The following RPS6KC1 variants were observed in gnomAD, a reference collection of about 807,000 sequenced individuals.
RPS6KC1 encodes inactive ribosomal protein S6 kinase delta-1.
Under a neutral mutation model 103.8 loss-of-function variants are expected in RPS6KC1, and 54 were observed. The observed-to-expected ratio is 0.52, with a 90% CI of 0.42 to 0.65. RPS6KC1 has a LOEUF of 0.65. Among genes scored for constraint, RPS6KC1 ranks in the 30% least tolerant of loss-of-function variants. RPS6KC1 has a pLI of 0.00. For missense variants in RPS6KC1, 1,151 were observed against 1,253.8 expected, an observed-to-expected ratio of 0.92 and a Z score of 1.24; for synonymous variants, 439 against 438.7, an observed-to-expected ratio of 1.00 and a Z score of -0.01.
the RPS6KC1 span, among the ~76,000 whole-genome samples, chr1:213,678,637 T>G: frequency 0.99 from 150,843 of 152,276 alleles, 74,719 homozygotes; most frequent in Middle Eastern, 1. Context: ...CCAGACATAC[T>G]GAGTCAGGGT....
At chr1:213,606,228 A>C in the RPS6KC1 span, among the ~76,000 whole-genome samples, 1 of 152,260 alleles carries the variant, frequency 6.6e-6, no homozygotes, top group Non-Finnish European at 1.5e-5. Context: ...GTGGGTGAAA[A>C]AGAGAGGAAA....
chr1:213,511,525 C>T, the RPS6KC1 span, among the ~76,000 whole-genome samples: 1 of 152,146 alleles, frequency 6.6e-6, no homozygotes, highest in Non-Finnish European at 1.5e-5. Flanking sequence ...GATGGGATTC[C>T]TTCACCCCTC....
At chr1:213,175,773 C>A (rs369051514) in intron 7 of RPS6KC1, among the ~76,000 whole-genome samples, 1 of 152,222 alleles carries the variant, frequency 6.6e-6, no homozygotes, top group South Asian at 2.1e-4. Flanking sequence ...TCTTACAAAT[C>A]ATCTCTTAAA....
the RPS6KC1 span, among the ~76,000 whole-genome samples, chr1:213,614,103 G>C: frequency 6.6e-6 from 1 of 152,236 alleles, no homozygotes. Context: ...GCCATTGACT[G>C]AGTACAGCTG....
chr1:213,097,480 G>A (rs964238612), intron 3 of RPS6KC1, among the ~76,000 whole-genome samples: 1 of 152,176 alleles, frequency 6.6e-6, no homozygotes, highest in African/African-American at 2.4e-5. Flanking sequence ...TGGAACACAG[G>A]CAGAGTAGAT....
intron 5 of RPS6KC1, among the ~76,000 whole-genome samples, chr1:213,127,126 T>C (rs2085074173): frequency 6.6e-6 from 1 of 152,194 alleles, no homozygotes; most frequent in African/African-American, 2.4e-5. Context: ...CTCTCAAATG[T>C]AATCTTCAGA....
the RPS6KC1 span, among the ~76,000 whole-genome samples, chr1:213,534,209 G>T: frequency 6.6e-6 from 1 of 152,182 alleles, no homozygotes; most frequent in Admixed American, 6.5e-5. Flanking sequence ...GACAGCGAAT[G>T]GGAAAGGAGT....
At chr1:213,323,146 C>T in the RPS6KC1 span, among the ~76,000 whole-genome samples, 1 of 151,892 alleles carries the variant, frequency 6.6e-6, no homozygotes, top group Non-Finnish European at 1.5e-5. Flanking sequence ...CATTCCATTG[C>T]CTTCTCTGAC....
the RPS6KC1 span, among the ~76,000 whole-genome samples, chr1:213,797,935 C>T: frequency 6.6e-6 from 1 of 152,186 alleles, no homozygotes; most frequent in African/African-American, 2.4e-5. Context: ...ATACTCATTT[C>T]CTATTAGGCA....
At chr1:213,584,683 G>T in the RPS6KC1 span, among the ~76,000 whole-genome samples, 1 of 152,220 alleles carries the variant, frequency 6.6e-6, no homozygotes, top group African/African-American at 2.4e-5. Context: ...AGGAATTGCA[G>T]GGAAACTGTT....
At chr1:213,659,258 C>T in the RPS6KC1 span, among the ~76,000 whole-genome samples, 1 of 152,142 alleles carries the variant, frequency 6.6e-6, no homozygotes, top group Non-Finnish European at 1.5e-5. Context: ...AGCCACCACA[C>T]CTGGCCTCAG....
chr1:213,836,019 A>T, the RPS6KC1 span: 1 of 151,676 alleles, frequency 6.6e-6, no homozygotes, highest in Admixed American at 6.6e-5. Flanking sequence ...ATTTGGGGAG[A>T]ATTGACATCT....
chr1:213,350,106 T>C, the RPS6KC1 span, among the ~76,000 whole-genome samples: 5 of 152,142 alleles, frequency 3.3e-5, no homozygotes, highest in African/African-American at 1.2e-4. Context: ...GTTACTTCAT[T>C]CTACCTGGCT....
the RPS6KC1 span, among the ~76,000 whole-genome samples, chr1:213,588,482 G>A: frequency 2.0e-5 from 3 of 151,858 alleles, no homozygotes; most frequent in Non-Finnish European, 4.4e-5. Context: ...TGTATTTTTA[G>A]TCGAGACGGG....
At chr1:213,250,730 C>T (rs142327592) in intron 12 of RPS6KC1, among the ~76,000 whole-genome samples, 140 of 152,144 alleles carry the variant, frequency 9.2e-4, no homozygotes, top group African/African-American at 3.1e-3. Flanking sequence ...AGGAGCATTC[C>T]GAACCTGGAA....
chr1:213,182,905 T>C (rs868307307), intron 8 of RPS6KC1, among the ~76,000 whole-genome samples: 47 of 147,638 alleles, frequency 3.2e-4, no homozygotes, highest in Admixed American at 1.5e-3. Flanking sequence ...GTATATATCA[T>C]ATATATATCA....
the RPS6KC1 span, among the ~76,000 whole-genome samples, chr1:213,716,826 TA>T: frequency 6.6e-6 from 1 of 152,216 alleles, no homozygotes; most frequent in African/African-American, 2.4e-5. Context: ...AACAGATGCT[TA>T]TTAAACGTCT....
At chr1:213,188,294 A>C (rs1464431597) in intron 8 of RPS6KC1, among the ~76,000 whole-genome samples, 1 of 151,826 alleles carries the variant, frequency 6.6e-6, no homozygotes, top group East Asian at 1.9e-4. Context: ...ACAGTTATAG[A>C]AATGTAGTTG....
At chr1:213,594,182 G>T in the RPS6KC1 span, among the ~76,000 whole-genome samples, 1 of 152,168 alleles carries the variant, frequency 6.6e-6, no homozygotes, top group Non-Finnish European at 1.5e-5. Context: ...GGAAGCAATG[G>T]GTACTATTTC....
Sources: allele counts gnomAD v4.1 joint callset (sites outside exome capture counted in the v4.1 genomes callset), GRCh38; gene constraint gnomAD v4.1.1; transcripts MANE v1.5; gene names NCBI Gene and HGNC (gene_info 2026-07-23, HGNC 2026-07-21).